Variants in ASTN1 observed in about 807,000 individuals in gnomAD.
ASTN1 encodes astrotactin-1.
Under a neutral mutation model 140.7 loss-of-function variants are expected in ASTN1, and 41 were observed. The ratio of observed to expected loss-of-function variants is 0.29; its 90% CI spans 0.23 to 0.38. The LOEUF is 0.38. Among genes scored for constraint, ASTN1 ranks in the 10% least tolerant of loss-of-function variants. The pLI, the probability that ASTN1 is intolerant of heterozygous loss-of-function variation, is 1.00. For missense variants in ASTN1, 1,479 were observed against 1,678.8 expected (o/e 0.88, Z 2.08); for synonymous variants, 640 against 652.2 (o/e 0.98, Z 0.29).
chr1:177,029,602 T>C, intron 5 of ASTN1, 32 bp downstream of exon 5: 1 of 1,603,456 alleles, frequency 6.2e-7, no homozygotes, highest in Non-Finnish European at 8.5e-7. Flanking sequence ...CCCAGATCCT[T>C]TACCACCTTC....
chr1:177,050,361 G>A (rs945335954), intron 2 of ASTN1, among the ~76,000 whole-genome samples: 1 of 152,122 alleles, frequency 6.6e-6, no homozygotes, highest in African/African-American at 2.4e-5. Context: ...GGGAGCCAAA[G>A]CCCAGCAGGC....
At chr1:176,942,198 A>C (rs555948039) in intron 14 of ASTN1, among the ~76,000 whole-genome samples, 10 of 152,270 alleles carry the variant, frequency 6.6e-5, no homozygotes, top group African/African-American at 2.2e-4. Context: ...CTGTTCTAAA[A>C]ACTTTACAAA....
intron 20 of ASTN1, among the ~76,000 whole-genome samples, chr1:176,876,941 C>T (rs1668590875): frequency 6.6e-6 from 1 of 152,162 alleles, no homozygotes; most frequent in Admixed American, 6.5e-5. Flanking sequence ...ACCAGCATTA[C>T]CTGGGAACCT....
At chr1:177,117,114 G>A (rs997561566) in intron 1 of ASTN1, among the ~76,000 whole-genome samples, 2 of 151,654 alleles carry the variant, frequency 1.3e-5, no homozygotes, top group African/African-American at 2.4e-5. Context: ...TCTCTCCTCC[G>A]CCCCTCCCCA....
At chr1:176,996,731 TG>T (rs1674470789) in intron 8 of ASTN1, among the ~76,000 whole-genome samples, 2 of 152,166 alleles carry the variant, frequency 1.3e-5, no homozygotes, top group Admixed American at 1.3e-4. Flanking sequence ...TCTTTGATGA[TG>T]TGCTCTCCCT....
intron 8 of ASTN1, among the ~76,000 whole-genome samples, chr1:176,990,617 A>G (rs549427245): frequency 2.0e-5 from 3 of 152,332 alleles, no homozygotes; most frequent in African/African-American, 7.2e-5. Context: ...TAAGTAACAC[A>G]GTAGAAGATG....
intron 9 of ASTN1, 91 bp from the exon 10 acceptor site, chr1:176,958,573 C>T: frequency 6.9e-7 from 1 of 1,443,602 alleles, no homozygotes; most frequent in Middle Eastern, 2.5e-4. Flanking sequence ...GTGCTTTCTT[C>T]TCACCCTTTG....
At chr1:177,007,458 T>A (rs1167692656) in intron 8 of ASTN1, among the ~76,000 whole-genome samples, 1 of 152,178 alleles carries the variant, frequency 6.6e-6, no homozygotes, top group Non-Finnish European at 1.5e-5. Context: ...ACAAGCTCAT[T>A]CTTATTTTCA....
intron 1 of ASTN1, among the ~76,000 whole-genome samples, chr1:177,075,135 G>A (rs1477993725): frequency 3.9e-5 from 6 of 151,950 alleles, no homozygotes; most frequent in East Asian, 3.9e-4. Flanking sequence ...GTGCAATGGC[G>A]TGATCTTGGC....
At chr1:176,885,172 G>A (rs148609510) in intron 18 of ASTN1, among the ~76,000 whole-genome samples, 13 of 152,304 alleles carry the variant, frequency 8.5e-5, no homozygotes, top group Non-Finnish European at 1.9e-4. Flanking sequence ...CCCAGATTCT[G>A]ATTTCAGTTT....
intron 1 of ASTN1, among the ~76,000 whole-genome samples, chr1:177,069,632 AC>A (rs1428957002): frequency 6.6e-6 from 1 of 152,194 alleles, no homozygotes; most frequent in East Asian, 1.9e-4. Context: ...TCGAGCAACT[AC>A]ATGAACATTC....
At chr1:177,094,158 C>T (rs1679912390) in intron 1 of ASTN1, among the ~76,000 whole-genome samples, 1 of 152,176 alleles carries the variant, frequency 6.6e-6, no homozygotes, top group African/African-American at 2.4e-5. Context: ...TTAATATTTT[C>T]AAATGAGATA....
At chr1:177,047,233 A>T (rs1429621839) in intron 2 of ASTN1, among the ~76,000 whole-genome samples, 1 of 152,232 alleles carries the variant, frequency 6.6e-6, no homozygotes, top group African/African-American at 2.4e-5. Context: ...TCATGGGGCA[A>T]AACTGAATTT....
At chr1:176,859,007 G>A (rs928587300), downstream of ASTN1, among the ~76,000 whole-genome samples, 1 of 152,228 alleles carries the variant, frequency 6.6e-6, no homozygotes, top group Non-Finnish European at 1.5e-5. Flanking sequence ...GACTTGCAAT[G>A]AAGATTGATG....
At chr1:177,010,727 T>G (rs1462338166) in intron 8 of ASTN1, among the ~76,000 whole-genome samples, 2 of 152,216 alleles carry the variant, frequency 1.3e-5, no homozygotes, top group Non-Finnish European at 2.9e-5. Flanking sequence ...AGGAAATGAT[T>G]GCAACCTCCT....
chr1:177,083,361 C>T (rs1679272107), intron 1 of ASTN1, among the ~76,000 whole-genome samples: 1 of 152,050 alleles, frequency 6.6e-6, no homozygotes, highest in African/African-American at 2.4e-5. Flanking sequence ...AGATGATGGT[C>T]CTCAGGATTA....
intron 5 of ASTN1, among the ~76,000 whole-genome samples, chr1:177,028,865 T>C (rs1026724205): frequency 6.6e-6 from 1 of 152,132 alleles, no homozygotes; most frequent in East Asian, 1.9e-4. Context: ...AGAGAACTTG[T>C]TGTTCTTATC....
intron 13 of ASTN1, among the ~76,000 whole-genome samples, chr1:176,945,376 CAT>C (rs934530446): frequency 1.3e-5 from 2 of 152,046 alleles, no homozygotes; most frequent in Admixed American, 6.6e-5. Context: ...TTTTATAAAA[CAT>C]GAGAGAAGTA....
chr1:177,102,943 T>C (rs1044593686), intron 1 of ASTN1, among the ~76,000 whole-genome samples: 4 of 152,234 alleles, frequency 2.6e-5, no homozygotes, highest in Non-Finnish European at 4.4e-5. Flanking sequence ...GGGAACAGGC[T>C]ATTCTCTAAC....
Sources: gnomAD v4.1 joint callset for allele counts (sites outside exome capture counted in the v4.1 genomes callset) on GRCh38, gnomAD v4.1.1 for gene constraint, MANE v1.5 for transcripts, NCBI Gene and HGNC (gene_info 2026-07-23, HGNC 2026-07-21) for gene names.